The following WDPCP variants were observed in gnomAD, a reference collection of about 807,000 sequenced individuals.
The protein encoded by WDPCP is WD repeat-containing and planar cell polarity effector protein fritz homolog.
WDPCP carries 71 observed loss-of-function variants against 93.1 expected under a neutral mutation model. The observed-to-expected ratio is 0.76, with a 90% CI of 0.63 to 0.93. WDPCP has a LOEUF of 0.93. Ranked by LOEUF, WDPCP falls within the 40% of genes least tolerant of loss-of-function variation. WDPCP has a pLI of 0.00. For synonymous variants in WDPCP, 315 were observed against 315.0 expected, an observed-to-expected ratio of 1.00 and a Z score of 0.00; for missense variants, 844 against 887.4, an observed-to-expected ratio of 0.95 and a Z score of 0.62.
At chr2:63,314,244 A>G (rs1411577748) in intron 12 of WDPCP, among the ~76,000 whole-genome samples, 1 of 151,490 alleles carries the variant, frequency 6.6e-6, no homozygotes, top group Non-Finnish European at 1.5e-5. Context: ...TGGTGCAATC[A>G]TCGCCTTGAC....
chr2:63,575,546 T>C (rs113015218), intron 1 of WDPCP, among the ~76,000 whole-genome samples: 1,946 of 18,212 alleles, frequency 0.11, 41 homozygotes, highest in Non-Finnish European at 0.18. Flanking sequence ...ACTGTATATA[T>C]AGTATATACA....
intron 13 of WDPCP, among the ~76,000 whole-genome samples, chr2:63,283,263 A>C (rs1396487134): frequency 6.6e-6 from 1 of 152,192 alleles, no homozygotes; most frequent in Non-Finnish European, 1.5e-5. Flanking sequence ...GGCTGGCCTC[A>C]AAGGCCTGGG....
chr2:63,690,020 G>T (rs1668867820), intron 2 of WDPCP, among the ~76,000 whole-genome samples: 1 of 152,194 alleles, frequency 6.6e-6, no homozygotes, highest in Admixed American at 6.5e-5. Context: ...GCATTCAGAT[G>T]GTGGTGGATA....
At position 63,657,527 on chromosome 2, in the gene WDPCP, A is replaced by T. The variant is rs138922731; in HGVS notation, n.309-6689T>A. 2.0e-3 allele frequency among the ~76,000 whole-genome samples: 305 copies of T among 152,190 alleles called. 1 individual carries two copies. The highest frequency in any genetic ancestry group is 6.8e-3 in the African/African-American group (282 of 41,520). ...CCCGGCCTCTGAGTGATATTTTTAA[A>T]AAGTCACTCTGGTTGTTCTGTGGAG... On this transcript the variant is annotated intron_variant and non_coding_transcript_variant, in intron 2 of 4. Transcript: ENST00000467687.
chr2:63,621,159 GAA>G (rs776791012), intron 3 of WDPCP, among the ~76,000 whole-genome samples: 6 of 152,026 alleles, frequency 3.9e-5, no homozygotes, highest in Non-Finnish European at 7.4e-5. Flanking sequence ...AAAACTGGAT[GAA>G]AAATGAGTTT....
intron 1 of WDPCP, among the ~76,000 whole-genome samples, chr2:63,528,106 C>G (rs1485702876): frequency 1.3e-5 from 2 of 152,042 alleles, no homozygotes; most frequent in Non-Finnish European, 2.9e-5. Flanking sequence ...TTTGTAGATT[C>G]TGGATATTAG....
rs186543106 is a variant in WDPCP at position 63,352,624 on chromosome 2, T to G, written c.1748+25762A>C. 2.7e-3 allele frequency among the ~76,000 whole-genome samples: 409 copies of G among 152,142 alleles called. 1 individual carries two copies. The highest frequency in any genetic ancestry group is 6.7e-3 in the Admixed American group (103 of 15,264). ...ACAACAGCCAGAAGCCTGAATACAG[T>G]TCAATATTCTTAATTCAATCTGGGT... On this transcript the variant is annotated intron_variant, in intron 12 of 17. Coordinates refer to ENST00000272321, the MANE Select transcript of WDPCP (RefSeq NM_015910.7).
At chr2:63,819,122 T>TAATTATG (rs1670981965) in intron 1 of WDPCP, among the ~76,000 whole-genome samples, 1 of 152,214 alleles carries the variant, frequency 6.6e-6, no homozygotes, top group Admixed American at 6.5e-5. Flanking sequence ...GAGGTACACT[T>TAATTATG]AATTATGACT....
chr2:63,127,415 AC>A (rs1669989752), intron 17 of WDPCP, among the ~76,000 whole-genome samples: 1 of 151,690 alleles, frequency 6.6e-6, no homozygotes, highest in African/African-American at 2.4e-5. Context: ...GAGCCACCGC[AC>A]CCGGCCTGAA....
At chr2:63,194,519 A>G (rs148602087) in intron 14 of WDPCP, among the ~76,000 whole-genome samples, 4 of 132,154 alleles carry the variant, frequency 3.0e-5, no homozygotes, top group South Asian at 2.3e-4. Context: ...TAAGCAAAAC[A>G]GGAAAAATAT....
intron 2 of WDPCP, among the ~76,000 whole-genome samples, chr2:63,693,429 G>GAT (rs780179045): frequency 1.6e-4 from 22 of 140,678 alleles, no homozygotes; most frequent in Admixed American, 2.3e-4. Context: ...GACTACAGTA[G>GAT]ATATAGATAT....
chr2:63,182,873 G>A (rs1049304727), intron 14 of WDPCP, among the ~76,000 whole-genome samples: 41 of 149,704 alleles, frequency 2.7e-4, no homozygotes, highest in African/African-American at 9.3e-4. Flanking sequence ...GTTCAATCTC[G>A]GGTGGTTTTA....
At position 63,376,386 on chromosome 2, in the gene WDPCP, A is replaced by G. The variant is rs1691855397; in HGVS notation, c.1748+2000T>C. On this transcript the variant is annotated intron_variant, in intron 12 of 17. Transcript: ENST00000272321. ...TGACCTTATCAAAGTATGTCCAAAA[A>G]ATAATTAGAAAACCATTTGAGAAAA... is the stretch of plus-strand genomic sequence containing the variant. Among the ~76,000 whole-genome samples the G allele has an allele frequency of 3.9e-5, 6 of 152,064 alleles. No individual in the cohort carries two copies. In the South Asian group the frequency reaches 1.2e-3, roughly 31 times the overall value.
chr2:63,830,822 T>C (rs1198758816), upstream of WDPCP, among the ~76,000 whole-genome samples: 1 of 152,222 alleles, frequency 6.6e-6, no homozygotes, highest in Non-Finnish European at 1.5e-5. Context: ...CACTTTTCTA[T>C]TCTGTGTCTT....
At chr2:63,327,614 G>T (rs1687656465) in intron 12 of WDPCP, among the ~76,000 whole-genome samples, 1 of 152,146 alleles carries the variant, frequency 6.6e-6, no homozygotes, top group Non-Finnish European at 1.5e-5. Flanking sequence ...ATACTAACCA[G>T]TCAGGGACAG....
At chr2:63,493,505 T>C (rs894159584) in intron 1 of WDPCP, among the ~76,000 whole-genome samples, 1 of 151,886 alleles carries the variant, frequency 6.6e-6, no homozygotes, top group African/African-American at 2.4e-5. Context: ...ACTTAGTATG[T>C]TAATCTGCAT....
intron 17 of WDPCP, among the ~76,000 whole-genome samples, chr2:63,139,628 T>C (rs1670910493): frequency 2.0e-5 from 3 of 152,220 alleles, no homozygotes; most frequent in South Asian, 4.1e-4. Context: ...CTTTTGAGAA[T>C]TGTCCATTCA....
intron 6 of WDPCP, among the ~76,000 whole-genome samples, chr2:63,449,503 G>A (rs1698083109): frequency 1.0e-5 from 1 of 99,506 alleles, no homozygotes; most frequent in Non-Finnish European, 2.3e-5. Context: ...GGAAAAGAAA[G>A]CAAGTGGCCA....
At chr2:63,680,306 G>T (rs1710476317) in intron 2 of WDPCP, among the ~76,000 whole-genome samples, 1 of 152,244 alleles carries the variant, frequency 6.6e-6, no homozygotes, top group Non-Finnish European at 1.5e-5. Context: ...GGGTAAGAAA[G>T]ATAGTCTTGA....
Sources: gnomAD v4.1 joint callset for allele counts (sites outside exome capture counted in the v4.1 genomes callset) on GRCh38, gnomAD v4.1.1 for gene constraint, MANE v1.5 for transcripts, NCBI Gene and HGNC (gene_info 2026-07-23, HGNC 2026-07-21) for gene names.